The following GTF2IRD1 variants were observed in gnomAD, a reference collection of about 807,000 sequenced individuals.
GTF2IRD1 encodes the protein GTF2I repeat domain containing 1.
A neutral mutation model predicts 113.2 loss-of-function variants in GTF2IRD1; 26 were observed. The observed-to-expected ratio is 0.23, with a 90% CI of 0.17 to 0.32. The LOEUF (loss-of-function observed/expected upper bound fraction) is 0.32. GTF2IRD1 is among the 10% of genes least tolerant of loss of function. The pLI is 1.00. For missense variants in GTF2IRD1, 864 were observed against 1,280.8 expected (o/e 0.67, Z 4.97); for synonymous variants, 484 against 529.1 (o/e 0.91, Z 1.17).
chr7:74,465,709 G>T (rs1351839437), intron 1 of GTF2IRD1, among the ~76,000 whole-genome samples: 2 of 152,230 alleles, frequency 1.3e-5, no homozygotes, highest in Non-Finnish European at 2.9e-5. Flanking sequence ...CTTATTTTCT[G>T]CCTGTCTGGG....
At chr7:74,495,735 A>G (rs1554337677) in intron 1 of GTF2IRD1, among the ~76,000 whole-genome samples, 1 of 152,162 alleles carries the variant, frequency 6.6e-6, no homozygotes, top group African/African-American at 2.4e-5. Context: ...GCAGCGGGGA[A>G]GGGCATTTCT....
intron 22 of GTF2IRD1, among the ~76,000 whole-genome samples, chr7:74,573,030 A>T (rs1800784631): frequency 6.6e-6 from 1 of 152,042 alleles, no homozygotes; most frequent in Admixed American, 6.6e-5. Context: ...GTGGGGACTT[A>T]GCTGGGGTCA....
chr7:74,550,256 A>ATG (rs1378170365), intron 17 of GTF2IRD1, among the ~76,000 whole-genome samples: 1 of 152,082 alleles, frequency 6.6e-6, no homozygotes, highest in Non-Finnish European at 1.5e-5. Flanking sequence ...TGATAGACAT[A>ATG]TAGCCCATCA....
intron 22 of GTF2IRD1, among the ~76,000 whole-genome samples, chr7:74,584,038 T>G (rs1465731738): frequency 1.3e-5 from 2 of 151,990 alleles, no homozygotes; most frequent in Non-Finnish European, 2.9e-5. Context: ...CTGAAACAGG[T>G]CTCAATCAAT....
intron 1 of GTF2IRD1, among the ~76,000 whole-genome samples, chr7:74,496,887 C>G (rs1277799396): frequency 6.6e-6 from 1 of 152,122 alleles, no homozygotes; most frequent in Non-Finnish European, 1.5e-5. Flanking sequence ...TAAGGCCAGG[C>G]ATGGTGGCTT....
intron 22 of GTF2IRD1, among the ~76,000 whole-genome samples, chr7:74,561,187 T>TA (rs587754552): frequency 1.2e-3 from 185 of 151,406 alleles, no homozygotes; most frequent in African/African-American, 4.3e-3. Flanking sequence ...CATGTCTATT[T>TA]AAAATCCCAA....
In GTF2IRD1 at chr7:74,523,631, G is replaced by C. The variant is rs587681843; in HGVS notation, c.1007-440G>C. Among the ~76,000 whole-genome samples the C allele has an allele frequency of 2.6e-5, 4 of 151,838 alleles. No individual in the cohort carries two copies. In the South Asian group the frequency reaches 6.2e-4, roughly 24 times the overall value. Reference sequence around the variant, plus strand: ...AGCTACTTGGGAGGCTGAGGCAGGAGAATCGCTTGAACCTGGGAGGCAGAG... The same window carrying C: ...AGCTACTTGGGAGGCTGAGGCAGGACAATCGCTTGAACCTGGGAGGCAGAG... On this transcript the variant is annotated intron_variant, in intron 7 of 26. Transcript: ENST00000424337.
At chr7:74,482,932 C>T (rs540735780) in intron 1 of GTF2IRD1, among the ~76,000 whole-genome samples, 12 of 152,312 alleles carry the variant, frequency 7.9e-5, no homozygotes, top group South Asian at 2.1e-4. Context: ...CGCTGAAATT[C>T]GGATACCTCT....
At chr7:74,504,564 C>T (rs1393301081) in intron 1 of GTF2IRD1, among the ~76,000 whole-genome samples, 1 of 151,502 alleles carries the variant, frequency 6.6e-6, no homozygotes, top group Non-Finnish European at 1.5e-5. Flanking sequence ...AGGACACCAG[C>T]AAGGCTGGAG....
intron 7 of GTF2IRD1, among the ~76,000 whole-genome samples, chr7:74,521,883 C>T (rs892624628): frequency 1.6e-4 from 25 of 152,158 alleles, no homozygotes; most frequent in African/African-American, 5.3e-4. Context: ...GGGCAGTGCT[C>T]GGTCAGGGTC....
At chr7:74,548,234 G>A (rs1410904148) in intron 17 of GTF2IRD1, among the ~76,000 whole-genome samples, 7 of 151,694 alleles carry the variant, frequency 4.6e-5, no homozygotes, top group South Asian at 2.1e-4. Flanking sequence ...TGGCTAACAC[G>A]GTGAAACCCC....
chr7:74,576,538 G>C (rs1344248106), intron 22 of GTF2IRD1, among the ~76,000 whole-genome samples: 6 of 143,990 alleles, frequency 4.2e-5, no homozygotes, highest in African/African-American at 1.6e-4. Context: ...TCCAGCCTGG[G>C]CTACAAGAAA....
intron 25 of GTF2IRD1, 154 bp from the exon 26 acceptor site, chr7:74,600,890 G>A (rs1802718973): frequency 8.2e-6 from 6 of 731,280 alleles, no homozygotes; most frequent in Non-Finnish European, 1.1e-5. Flanking sequence ...GTGGGCTCTG[G>A]ACAGGTGGGC....
chr7:74,496,658 G>C (rs1046484098), intron 1 of GTF2IRD1, among the ~76,000 whole-genome samples: 5 of 151,654 alleles, frequency 3.3e-5, no homozygotes, highest in African/African-American at 1.2e-4. Context: ...GTGGGTGTGT[G>C]TGTGAGTGTG....
intron 19 of GTF2IRD1, 124 bp from the exon 20 acceptor site, chr7:74,557,515 A>T (rs1799671588): frequency 6.3e-6 from 4 of 636,810 alleles, no homozygotes; most frequent in Non-Finnish European, 8.3e-6. Context: ...TGAGGGGCCC[A>T]CTCCAAAGAT....
intron 8 of GTF2IRD1, among the ~76,000 whole-genome samples, chr7:74,529,512 T>C (rs1323111142): frequency 1.3e-5 from 2 of 152,188 alleles, no homozygotes; most frequent in Admixed American, 1.3e-4. Context: ...CACCTCAGCC[T>C]CCCGGAGTGC....
intron 22 of GTF2IRD1, among the ~76,000 whole-genome samples, chr7:74,587,808 C>A (rs1320296101): frequency 5.3e-5 from 8 of 152,124 alleles, no homozygotes; most frequent in Non-Finnish European, 7.3e-5. Flanking sequence ...TCCAGCAGCT[C>A]CTCTAGGCTA....
chr7:74,567,281 T>C (rs1311193185), intron 22 of GTF2IRD1, among the ~76,000 whole-genome samples: 1 of 151,182 alleles, frequency 6.6e-6, no homozygotes, highest in Admixed American at 6.6e-5. Context: ...TGAACTGAGA[T>C]TGCACCACAG....
At chr7:74,594,282 AG>A (rs1802265752) in intron 24 of GTF2IRD1, among the ~76,000 whole-genome samples, 1 of 151,888 alleles carries the variant, frequency 6.6e-6, no homozygotes. Context: ...GGGAAGGCTG[AG>A]GCAGGAGGAT....
Sources: gnomAD v4.1 joint callset for allele counts (sites outside exome capture counted in the v4.1 genomes callset) on GRCh38, gnomAD v4.1.1 for gene constraint, MANE v1.5 for transcripts, NCBI Gene and HGNC (gene_info 2026-07-23, HGNC 2026-07-21) for gene names.